The following DYDC1 variants were observed in gnomAD, a reference collection of about 807,000 sequenced individuals.
The protein encoded by DYDC1 is DPY30 domain containing 1, also known as DPY30 domain-containing protein 1.
A neutral mutation model predicts 27.9 loss-of-function variants in DYDC1; 21 were observed. That is an observed-to-expected ratio of 0.75 (90% CI 0.53 to 1.08). The LOEUF (loss-of-function observed/expected upper bound fraction) is 1.08, where lower values mean the gene tolerates loss of function less well. DYDC1 is among the 50% of genes least tolerant of loss of function. The pLI, the probability that DYDC1 is intolerant of heterozygous loss-of-function variation, is 0.00. For synonymous variants in DYDC1, 67 were observed against 65.8 expected (o/e 1.02, Z -0.09); for missense variants, 202 against 205.9 (o/e 0.98, Z 0.12).
chr10:80,355,134 G>T (rs1843281680), intron 1 of DYDC1, among the ~76,000 whole-genome samples: 1 of 151,542 alleles, frequency 6.6e-6, no homozygotes, highest in African/African-American at 2.4e-5. Context: ...ACAAAGAAGA[G>T]AAGAGTCTTC....
At chr10:80,338,883 C>G (rs1842224702) in intron 5 of DYDC1, among the ~76,000 whole-genome samples, 1 of 152,088 alleles carries the variant, frequency 6.6e-6, no homozygotes, top group South Asian at 2.1e-4. Flanking sequence ...TTTTAAAAAT[C>G]CAAACACAAA....
chr10:80,352,773 A>C, intron 1 of DYDC1, 163 bp from the exon 2 acceptor site: 1 of 879,228 alleles, frequency 1.1e-6, no homozygotes, highest in Non-Finnish European at 1.5e-6. Flanking sequence ...GAAACTTCTA[A>C]TAGTTTCCAA....
chr10:80,349,277 T>G (rs1448934620), intron 3 of DYDC1, among the ~76,000 whole-genome samples: 1 of 152,244 alleles, frequency 6.6e-6, no homozygotes, highest in Non-Finnish European at 1.5e-5. Context: ...TTTTAAAAAC[T>G]TTTTTAAATT....
intron 1 of DYDC1, 182 bp downstream of exon 1, chr10:80,356,521 CCCGCTCAGG>C: frequency 1.0e-6 from 1 of 985,496 alleles, no homozygotes; most frequent in Non-Finnish European, 1.2e-6. Flanking sequence ...CGCAGCGCTC[CCCGCTCAGG>C]GGGAGCAGGA....
intron 3 of DYDC1, among the ~76,000 whole-genome samples, chr10:80,346,032 G>A (rs1245654171): frequency 6.6e-6 from 1 of 152,050 alleles, no homozygotes; most frequent in Non-Finnish European, 1.5e-5. Flanking sequence ...ATTTTTTCTA[G>A]AGATGAGGTC....
chr10:80,350,627 G>A (rs563679009), intron 3 of DYDC1, among the ~76,000 whole-genome samples: 1 of 152,310 alleles, frequency 6.6e-6, no homozygotes, highest in Admixed American at 6.5e-5. Flanking sequence ...ATCAGGGATA[G>A]GAGGTTAGTC....
At chr10:80,339,824 T>C (rs913919975) in intron 4 of DYDC1, among the ~76,000 whole-genome samples, 2 of 152,168 alleles carry the variant, frequency 1.3e-5, no homozygotes, top group African/African-American at 2.4e-5. Context: ...ACCCTAATGA[T>C]AGGGACATAA....
intron 1 of DYDC1, chr10:80,356,257 T>C (rs930949576): frequency 3.0e-6 from 3 of 985,362 alleles, no homozygotes; most frequent in South Asian, 4.7e-5. Flanking sequence ...CATACACCAA[T>C]AGGCATCTTG....
chr10:80,353,070 C>A (rs1445553558), intron 1 of DYDC1, among the ~76,000 whole-genome samples: 1 of 152,008 alleles, frequency 6.6e-6, no homozygotes, highest in African/African-American at 2.4e-5. Context: ...TTCCAAAACC[C>A]TAACCCTAAA....
chr10:80,345,183 T>C (rs770487307), intron 3 of DYDC1, among the ~76,000 whole-genome samples: 54 of 152,322 alleles, frequency 3.5e-4, no homozygotes, highest in Non-Finnish European at 5.0e-4. Context: ...TTCACTCTTG[T>C]AAACTGGACC....
intron 1 of DYDC1, among the ~76,000 whole-genome samples, chr10:80,355,392 C>G (rs1462258651): frequency 6.6e-6 from 1 of 151,922 alleles, no homozygotes; most frequent in Non-Finnish European, 1.5e-5. Flanking sequence ...GGTGGGAGGG[C>G]AAAATGGTAT....
At chr10:80,348,696 C>T (rs1221521523) in intron 3 of DYDC1, among the ~76,000 whole-genome samples, 1 of 152,144 alleles carries the variant, frequency 6.6e-6, no homozygotes, top group Non-Finnish European at 1.5e-5. Flanking sequence ...TTGGAAGTGG[C>T]TATTCTACAA....
chr10:80,347,267 A>T (rs1290898515), intron 3 of DYDC1, among the ~76,000 whole-genome samples: 4 of 84,980 alleles, frequency 4.7e-5, no homozygotes, highest in Non-Finnish European at 4.9e-5. Context: ...CCATTTTTTA[A>T]TTGGGATCCT....
At chr10:80,354,144 A>T (rs183608826) in intron 1 of DYDC1, among the ~76,000 whole-genome samples, 3,092 of 148,558 alleles carry the variant, frequency 0.021, 116 homozygotes, top group African/African-American at 0.066. Flanking sequence ...ATATATATAT[A>T]TTTTTTCCTG....
intron 3 of DYDC1, among the ~76,000 whole-genome samples, chr10:80,343,603 T>C (rs1164740065): frequency 1.3e-5 from 2 of 150,484 alleles, no homozygotes; most frequent in Non-Finnish European, 3.0e-5. Context: ...GAGACCCCCA[T>C]CTCTAAACAA....
At chr10:80,339,848 C>A (rs1347393851) in intron 4 of DYDC1, among the ~76,000 whole-genome samples, 2 of 152,174 alleles carry the variant, frequency 1.3e-5, no homozygotes, top group African/African-American at 2.4e-5. Context: ...GCACTGTTTT[C>A]CCAAGACCAC....
chr10:80,353,410 C>G (rs1843125054), intron 1 of DYDC1, among the ~76,000 whole-genome samples: 1 of 151,002 alleles, frequency 6.6e-6, no homozygotes, highest in African/African-American at 2.4e-5. Flanking sequence ...GATCCGCCCA[C>G]CTCGGCCTCC....
At chr10:80,346,483 C>T (rs540328504) in intron 3 of DYDC1, among the ~76,000 whole-genome samples, 25 of 67,976 alleles carry the variant, frequency 3.7e-4, no homozygotes, top group Admixed American at 9.1e-4. Flanking sequence ...TTTTTTGAGA[C>T]GGAGTCTCAC....
intron 1 of DYDC1, 123 bp from the exon 2 acceptor site, chr10:80,352,733 T>A: frequency 3.3e-6 from 4 of 1,194,668 alleles, no homozygotes; most frequent in Non-Finnish European, 4.3e-6. Flanking sequence ...ACACCTCCCA[T>A]TGGGGGTGTC....
Sources: gnomAD v4.1 joint callset for allele counts (sites outside exome capture counted in the v4.1 genomes callset) on GRCh38, gnomAD v4.1.1 for gene constraint, MANE v1.5 for transcripts, NCBI Gene and HGNC (gene_info 2026-07-23, HGNC 2026-07-21) for gene names.